Variants in DGKB observed in about 807,000 individuals in gnomAD.
The protein encoded by DGKB is 90 kDa diacylglycerol kinase.
A neutral mutation model predicts 114.3 loss-of-function variants in DGKB; 67 were observed. That is an observed-to-expected ratio of 0.59 (90% CI 0.48 to 0.72). The LOEUF is 0.72. DGKB is among the 30% of genes least tolerant of loss of function. The probability of loss-of-function intolerance (pLI) is 0.00; values close to 1 mark genes in which losing one functional copy is unlikely to be tolerated. For synonymous variants in DGKB, 398 were observed against 323.1 expected (o/e 1.23, Z -2.49); for missense variants, 907 against 975.2 (o/e 0.93, Z 0.93).
chr7:14,331,153 G>T (rs960654923), intron 23 of DGKB, among the ~76,000 whole-genome samples: 2 of 151,824 alleles, frequency 1.3e-5, no homozygotes, highest in African/African-American at 4.8e-5. Context: ...ACATAGTTGG[G>T]AGACATCTAC....
At chr7:14,154,466 T>A (rs910472777) in intron 25 of DGKB, among the ~76,000 whole-genome samples, 2 of 152,024 alleles carry the variant, frequency 1.3e-5, no homozygotes, top group African/African-American at 4.8e-5. Context: ...CCCTCATCAA[T>A]ACTGTAGAGC....
intron 20 of DGKB, among the ~76,000 whole-genome samples, chr7:14,549,014 G>A (rs1388372268): frequency 6.6e-6 from 1 of 151,824 alleles, no homozygotes; most frequent in Non-Finnish European, 1.5e-5. Flanking sequence ...GGGCAATGCA[G>A]AGAGGAAAGA....
At chr7:14,259,705 C>T (rs918660788) in intron 23 of DGKB, among the ~76,000 whole-genome samples, 2 of 152,132 alleles carry the variant, frequency 1.3e-5, no homozygotes, top group African/African-American at 4.8e-5. Context: ...AGATTACAGG[C>T]GTGAGCCACC....
At chr7:14,788,280 C>T (rs777240192) in intron 2 of DGKB, among the ~76,000 whole-genome samples, 8 of 152,200 alleles carry the variant, frequency 5.3e-5, no homozygotes, top group Non-Finnish European at 8.8e-5. Context: ...TCTTTCTAAG[C>T]CTGAGGATGC....
At chr7:14,464,322 T>C (rs1249782868) in intron 21 of DGKB, among the ~76,000 whole-genome samples, 2 of 152,178 alleles carry the variant, frequency 1.3e-5, no homozygotes, top group East Asian at 3.8e-4. Context: ...TTAGAAGTTA[T>C]TGCCAAAATT....
intron 4 of DGKB, among the ~76,000 whole-genome samples, chr7:14,739,865 G>T (rs1006326946): frequency 6.6e-6 from 1 of 152,170 alleles, no homozygotes; most frequent in African/African-American, 2.4e-5. Context: ...ACAATATCAG[G>T]AGTGTTCCAC....
chr7:14,766,703 G>A (rs1242158185), intron 2 of DGKB, among the ~76,000 whole-genome samples: 4 of 151,806 alleles, frequency 2.6e-5, no homozygotes, highest in South Asian at 2.1e-4. Context: ...GACATCACAT[G>A]TATAGTGATT....
At chr7:14,922,538 GA>G (rs1181040828) in intron 1 of DGKB, among the ~76,000 whole-genome samples, 2 of 151,710 alleles carry the variant, frequency 1.3e-5, no homozygotes, top group Non-Finnish European at 2.9e-5. Context: ...AGAAGTTGGG[GA>G]ATTCTTTACA....
intron 23 of DGKB, among the ~76,000 whole-genome samples, chr7:14,193,157 C>A (rs1211270319): frequency 7.0e-6 from 1 of 143,404 alleles, no homozygotes. Flanking sequence ...GGGTTAGGGA[C>A]CCCTGCTTCA....
At position 14,148,904 on chromosome 7, in the gene DGKB, A is replaced by G. The variant is rs1327780782; in HGVS notation, c.*227T>C. On this transcript the variant is annotated 3_prime_UTR_variant, in exon 26 of 26. Coordinates refer to ENST00000402815, the MANE Select transcript of DGKB (RefSeq NM_001350709.2). The stretch of plus-strand genomic sequence containing the variant: ...AATGCATGCACCAAAAATATGCAGT[A>G]TCACTTCAGGTAAACTTCTGCTTTC... The G allele has an allele frequency of 1.1e-5, 6 of 545,998 alleles. No individual in the cohort carries two copies. Among genetic ancestry groups the G allele is most frequent in the African/African-American group, 9.8e-5 (5 of 50,850 alleles). 33.8% of individuals were successfully genotyped at this position (545,998 alleles called of 1,614,324 possible). A position where few individuals can be genotyped will look rare whatever the true frequency, so the allele number is the denominator to read the frequency against.
rs191557609 is a variant in DGKB, at chr7:14,949,788, T to A, written c.-188+24908A>T. Among the ~76,000 whole-genome samples, 314 of 152,156 alleles carry A rather than the reference T, an allele frequency of 2.1e-3. 3 individuals are homozygous for A. Among genetic ancestry groups the A allele is most frequent in the South Asian group, 9.8e-3 (47 of 4,820 alleles). On this transcript the variant is annotated intron_variant, in intron 1 of 4. Coordinates refer to the DGKB transcript ENST00000437998. ...TATGCAGCCATATAAAAGGATGAAT[T>A]CATGTCCTTCATAGGGACATGGATG... is the stretch of plus-strand genomic sequence containing the variant.
chr7:14,890,869 A>G (rs915895825), intron 1 of DGKB, among the ~76,000 whole-genome samples: 1 of 105,236 alleles, frequency 9.5e-6, no homozygotes, highest in Non-Finnish European at 2.0e-5. Flanking sequence ...GAATGCCACA[A>G]ATGAAAAAAA....
intron 17 of DGKB, among the ~76,000 whole-genome samples, chr7:14,592,649 T>C (rs1801894929): frequency 6.6e-6 from 1 of 151,888 alleles, no homozygotes; most frequent in South Asian, 2.1e-4. Flanking sequence ...ATCATTGATA[T>C]TATTATTATT....
chr7:14,292,527 G>C (rs1477608600), intron 23 of DGKB, among the ~76,000 whole-genome samples: 1 of 152,166 alleles, frequency 6.6e-6, no homozygotes, highest in Admixed American at 6.5e-5. Flanking sequence ...TATTTTAGCA[G>C]TGTTTTTGAG....
intron 2 of DGKB, among the ~76,000 whole-genome samples, chr7:14,813,698 C>T (rs1843721895): frequency 1.3e-5 from 2 of 151,934 alleles, no homozygotes; most frequent in Admixed American, 6.6e-5. Flanking sequence ...TTGCTTTATG[C>T]TTTTAAGCTG....
chr7:14,349,094 A>G (rs1288226530), intron 21 of DGKB, among the ~76,000 whole-genome samples: 1 of 152,108 alleles, frequency 6.6e-6, no homozygotes, highest in Non-Finnish European at 1.5e-5. Flanking sequence ...TGCTGGTGTC[A>G]TTAAGAGAAC....
chr7:14,897,612 G>C (rs1361624400), intron 1 of DGKB, among the ~76,000 whole-genome samples: 1 of 151,688 alleles, frequency 6.6e-6, no homozygotes, highest in African/African-American at 2.4e-5. Flanking sequence ...CAGAAAATAG[G>C]TATCAGTAAA....
At chr7:14,761,095 A>C (rs964480987) in intron 2 of DGKB, among the ~76,000 whole-genome samples, 2 of 151,314 alleles carry the variant, frequency 1.3e-5, no homozygotes, top group Non-Finnish European at 2.9e-5. Context: ...TCCAGTTCTA[A>C]TATCTTAATA....
chr7:14,428,174 TA>T (rs1220128046), intron 21 of DGKB, among the ~76,000 whole-genome samples: 3 of 151,786 alleles, frequency 2.0e-5, no homozygotes, highest in African/African-American at 7.3e-5. Flanking sequence ...TTTTCTGTGA[TA>T]TATATATATA....
Sources: gnomAD v4.1 joint callset for allele counts (sites outside exome capture counted in the v4.1 genomes callset) on GRCh38, gnomAD v4.1.1 for gene constraint, MANE v1.5 for transcripts, NCBI Gene and HGNC (gene_info 2026-07-23, HGNC 2026-07-21) for gene names.